LRRC3: variants seen among roughly 807,000 people sequenced by gnomAD.
The protein encoded by LRRC3 is leucine rich repeat containing 3.
For missense variants in LRRC3, 351 were observed against 361.6 expected, an observed-to-expected ratio of 0.97 and a Z score of 0.24; for synonymous variants, 172 against 164.1, an observed-to-expected ratio of 1.05 and a Z score of -0.37.
chr21:44,456,259 C>T (rs533622102), intron 1 of LRRC3, among the ~76,000 whole-genome samples: 4 of 152,332 alleles, frequency 2.6e-5, no homozygotes, highest in South Asian at 4.1e-4. Flanking sequence ...CTGGGCCATG[C>T]GGAGCCCCCT....
At position 44,456,579 on chromosome 21, in the gene LRRC3, G is replaced by A. The variant is rs1008172828; in HGVS notation, c.-66G>A. On this transcript the variant is annotated 5_prime_UTR_variant, in exon 2 of 2. Transcript: ENST00000291592. ...TCTGGTTGGATAAGGCCTTGCCTGC[G>A]GAAACCAGCTCCATCCCCAGGCCCT... is the stretch of plus-strand genomic sequence containing the variant. 4 of 1,500,220 alleles carry A rather than the reference G, an allele frequency of 2.7e-6. No homozygotes were observed. The highest frequency in any genetic ancestry group is 2.1e-5 in the Admixed American group (1 of 48,636). 92.9% of individuals were successfully genotyped at this position (1,500,220 alleles called of 1,614,324 possible). A position where few individuals can be genotyped will look rare whatever the true frequency, so the allele number is the denominator to read the frequency against.
Position 44,456,888 on chromosome 21 carries a change from G to C in LRRC3, c.244G>C (p.Gly82Arg), listed in dbSNP as rs777833809. Residue 82 changes from glycine to arginine, a missense_variant, in exon 2 of 2, where the codon GGG becomes CGG. Coordinates refer to ENST00000291592, the MANE Select transcript of LRRC3 (RefSeq NM_030891.6). ...DANKISHLPD[G>R]AFQHLHRLRE... ...CAACAAGATCTCCCACCTCCCGGAC[G>C]GGGCCTTCCAGCACCTGCACCGGCT... The C allele has an allele frequency of 6.2e-7, 1 of 1,610,290 alleles. No homozygotes were observed. Among genetic ancestry groups the C allele is most frequent in the Non-Finnish European group, 8.5e-7 (1 of 1,178,428 alleles).
chr21:44,457,424 G>C lies in LRRC3; in HGVS notation c.*6G>C, dbSNP rs376856757. The C allele has an allele frequency of 1.3e-4, 198 of 1,558,736 alleles. 1 individual carries two copies. The African/African-American group carries it at 2.5e-3, about 19-fold the overall frequency. ...CCATCGGCCCGGGGCCCTAGCGCCT[G>C]TTCCGGCAGACCCCCGCCGGTGGCT... On this transcript the variant is annotated 3_prime_UTR_variant, in exon 2 of 2. Coordinates refer to ENST00000291592, the MANE Select transcript of LRRC3 (RefSeq NM_030891.6).
In LRRC3 at chr21:44,457,639, C is replaced by T. The variant is rs74756726; in HGVS notation, c.*221C>T. 20,709 of 574,846 alleles carry T rather than the reference C, an allele frequency of 0.036. 499 individuals are homozygous for T. Among genetic ancestry groups the T allele is most frequent in the Admixed American group, 0.055 (1,578 of 28,754 alleles). 35.6% of individuals were successfully genotyped at this position (574,846 alleles called of 1,614,324 possible). ...AGAGGAACGGAATGACTGCCCGTGA[C>T]GATACCATCAGGAAATTATCCCAGT... On this transcript the variant is annotated 3_prime_UTR_variant, in exon 2 of 2. Coordinates refer to ENST00000291592, the MANE Select transcript of LRRC3 (RefSeq NM_030891.6).
At position 44,458,978 on chromosome 21, in the gene LRRC3, C is replaced by G. The variant is rs556488950; in HGVS notation, c.*1560C>G. On this transcript the variant is annotated 3_prime_UTR_variant, in exon 2 of 2. Coordinates refer to ENST00000291592, the MANE Select transcript of LRRC3 (RefSeq NM_030891.6). ...TGTGCAGTGTGAGTCACGGGGGTGTCTGTGTTGTGAGGTGCTTGGTAGGCT... is the reference window on the plus strand; with the variant it reads ...TGTGCAGTGTGAGTCACGGGGGTGTGTGTGTTGTGAGGTGCTTGGTAGGCT... 7.9e-5 allele frequency: 13 copies of G among 164,288 alleles called. No individual in the cohort carries two copies. Among genetic ancestry groups the G allele is most frequent in the African/African-American group, 3.1e-4 (13 of 41,542 alleles). 10.2% of individuals were successfully genotyped at this position (164,288 alleles called of 1,614,324 possible).
In LRRC3 at chr21:44,459,974, C is replaced by T. The variant is rs566238537; in HGVS notation, c.*2556C>T. The T allele has an allele frequency of 6.5e-6, 1 of 152,708 alleles. No homozygotes were observed. Among genetic ancestry groups the T allele is most frequent in the East Asian group, 1.9e-4 (1 of 5,178 alleles). 9.5% of individuals were successfully genotyped at this position (152,708 alleles called of 1,614,324 possible). ...CCACCGTCCTGGCCTTACTGTGCCC[C>T]CTGCCCCACCAACATAGGTGAAAGC... On this transcript the variant is annotated 3_prime_UTR_variant, in exon 2 of 2. Coordinates refer to ENST00000291592, the MANE Select transcript of LRRC3 (RefSeq NM_030891.6).
rs1461543602 is a variant in LRRC3 at position 44,460,644 on chromosome 21, C to T, written c.*3226C>T. 1.3e-5 allele frequency: 2 copies of T among 152,226 alleles called. No individual in the cohort carries two copies. Among genetic ancestry groups the T allele is most frequent in the Middle Eastern group, 3.4e-3 (1 of 294 alleles). The allele number at this position is 152,226 out of a possible 1,614,324, so 9.4% of individuals were successfully genotyped here. On this transcript the variant is annotated 3_prime_UTR_variant, in exon 2 of 2. Transcript: ENST00000291592. Reference sequence around the variant, plus strand: ...CACCGGGGAGCCAGAATCTTCCAGCCAGACTGGATGGGCAGGGCTTAGCTT... The same window carrying T: ...CACCGGGGAGCCAGAATCTTCCAGCTAGACTGGATGGGCAGGGCTTAGCTT...
intron 1 of LRRC3, among the ~76,000 whole-genome samples, chr21:44,455,935 G>T (rs1033657853): frequency 2.0e-5 from 3 of 152,160 alleles, no homozygotes; most frequent in Non-Finnish European, 2.9e-5. Flanking sequence ...TTCTGTGCCC[G>T]GTGCGAGCCG....
chr21:44,456,913 T>C lies in LRRC3; in HGVS notation c.269T>C (p.Leu90Pro). ...GGGGCCTTCCAGCACCTGCACCGGC[T>C]CAGGGAGCTGGATCTGTCTCACAAC... The part of the protein sequence containing the change: ...PDGAFQHLHR[L>P]RELDLSHNAI... The change falls in exon 2 of 2, where the codon CTC (leucine) becomes CCC (proline). Residue 90 changes from leucine to proline, a missense_variant. Physicochemically the swap from Leu to Pro is moderately conservative, Grantham distance 98. Transcript: ENST00000291592. 6.2e-7 allele frequency: 1 copy of C among 1,611,370 alleles called. No homozygotes were observed.
At position 44,461,453 on chromosome 21, in the gene LRRC3, G is replaced by A. The variant is rs995932718; in HGVS notation, c.*4035G>A. The A allele has an allele frequency of 9.8e-5, 15 of 152,434 alleles. No homozygotes were observed. Among genetic ancestry groups the A allele is most frequent in the African/African-American group, 3.4e-4 (14 of 41,464 alleles). The allele number at this position is 152,434 out of a possible 1,614,324, so 9.4% of individuals were successfully genotyped here. On this transcript the variant is annotated 3_prime_UTR_variant, in exon 2 of 2. Transcript: ENST00000291592. ...GGGACCACCTCCCGCCACAGAGCCT[G>A]GGGCCCCCAGCCTTGCCTACAGGGA...
At position 44,456,523 on chromosome 21, in the gene LRRC3, T is replaced by G; in HGVS notation, c.-122T>G. 1.3e-5 allele frequency: 14 copies of G among 1,060,916 alleles called. No homozygotes were observed. Among genetic ancestry groups the G allele is most frequent in the Non-Finnish European group, 1.9e-5 (14 of 733,208 alleles). The allele number at this position is 1,060,916 out of a possible 1,614,324, so 65.7% of individuals were successfully genotyped here. A position where few individuals can be genotyped will look rare whatever the true frequency, so the allele number is the denominator to read the frequency against. The stretch of plus-strand genomic sequence containing the variant: ...AGCTGCCAGAGTGGACTGCACTGCT[T>G]CTCCCAGCGGGGCAGGATGGCGGTT... On this transcript the variant is annotated 5_prime_UTR_variant, in exon 2 of 2. Coordinates refer to ENST00000291592, the MANE Select transcript of LRRC3 (RefSeq NM_030891.6).
intron 1 of LRRC3, 42 bp downstream of exon 1, chr21:44,455,697 A>C (rs1002895850): frequency 1.3e-5 from 2 of 148,208 alleles, no homozygotes; most frequent in African/African-American, 5.0e-5. Flanking sequence ...ATTCCCACCC[A>C]CCCCATGACC....
intron 1 of LRRC3, among the ~76,000 whole-genome samples, 185 bp from the exon 2 acceptor site, chr21:44,456,313 G>A (rs78597300): frequency 2.1e-3 from 313 of 152,322 alleles, no homozygotes; most frequent in African/African-American, 7.0e-3. Context: ...CCTCCCGGGC[G>A]CATTGGGAGT....
Position 44,456,588 on chromosome 21 carries a change from C to T in LRRC3, c.-57C>T. On this transcript the variant is annotated 5_prime_UTR_variant, in exon 2 of 2. Transcript: ENST00000291592. ...ATAAGGCCTTGCCTGCGGAAACCAG[C>T]TCCATCCCCAGGCCCTAGCAGAGGC... The T allele has an allele frequency of 1.2e-5, 18 of 1,511,274 alleles. No individual in the cohort carries two copies. The highest frequency in any genetic ancestry group is 1.6e-5 in the Non-Finnish European group (18 of 1,129,762). The allele number at this position is 1,511,274 out of a possible 1,614,324, so 93.6% of individuals were successfully genotyped here.
In LRRC3 at chr21:44,456,923, G is replaced by C; in HGVS notation, c.279G>C (p.Leu93=). 6.2e-7 allele frequency: 1 copy of C among 1,611,142 alleles called. No individual in the cohort carries two copies. Among genetic ancestry groups the C allele is most frequent in the Non-Finnish European group, 8.5e-7 (1 of 1,179,872 alleles). The change falls in exon 2 of 2, where the codon CTG becomes CTC. Residue 93 remains leucine, a synonymous_variant. Transcript: ENST00000291592. ...AFQHLHRLRE[L]DLSHNAIEAI... ...AGCACCTGCACCGGCTCAGGGAGCT[G>C]GATCTGTCTCACAACGCCATCGAGG...
chr21:44,455,526 C>G lies in LRRC3; in HGVS notation c.-277C>G, dbSNP rs2051690258. ...GCGCAGGCCGGAGTCGCGGCCTCCCCAGCTAGTGGTCGCGGGCGCGGTCGC... is the reference window on the plus strand; with the variant it reads ...GCGCAGGCCGGAGTCGCGGCCTCCCGAGCTAGTGGTCGCGGGCGCGGTCGC... On this transcript the variant is annotated 5_prime_UTR_variant, in exon 1 of 2. Transcript: ENST00000291592. 1 of 151,644 alleles carries G rather than the reference C, an allele frequency of 6.6e-6. No individual in the cohort carries two copies. The highest frequency in any genetic ancestry group is 1.5e-5 in the Non-Finnish European group (1 of 67,810). The allele number at this position is 151,644 out of a possible 1,614,324, so 9.4% of individuals were successfully genotyped here. A position where few individuals can be genotyped will look rare whatever the true frequency, so the allele number is the denominator to read the frequency against.
In LRRC3 at chr21:44,458,571, C is replaced by T. The variant is rs933789800; in HGVS notation, c.*1153C>T. On this transcript the variant is annotated 3_prime_UTR_variant, in exon 2 of 2. Coordinates refer to ENST00000291592, the MANE Select transcript of LRRC3 (RefSeq NM_030891.6). The stretch of plus-strand genomic sequence containing the variant: ...GCCAATCAATGGGATGCTTCGTTTT[C>T]TCCAGCAACAGGAACTCTCTCTTTT... 3.0e-5 allele frequency: 5 copies of T among 167,094 alleles called. No individual in the cohort carries two copies. Among genetic ancestry groups the T allele is most frequent in the African/African-American group, 9.6e-5 (4 of 41,460 alleles). 10.4% of individuals were successfully genotyped at this position (167,094 alleles called of 1,614,324 possible). A position where few individuals can be genotyped will look rare whatever the true frequency, so the allele number is the denominator to read the frequency against.
Position 44,457,204 on chromosome 21 carries a change from A to G in LRRC3, c.560A>G (p.Gln187Arg). ...QEEFVGKPLVQALDAGASLCS... is the reference protein window; with the variant it reads ...QEEFVGKPLVRALDAGASLCS... ...GAGTTTGTGGGGAAGCCTCTGGTTC[A>G]GGCTCTGGATGCGGGTGCCAGCCTC... is the stretch of plus-strand genomic sequence containing the variant. The change falls in exon 2 of 2, where the codon CAG becomes CGG. Residue 187 changes from glutamine to arginine, a missense_variant. Gln to Arg is a conservative substitution (Grantham distance 43, BLOSUM62 1). Transcript: ENST00000291592. 1 of 1,614,004 alleles carries G rather than the reference A, an allele frequency of 6.2e-7. No individual in the cohort carries two copies. The highest frequency in any genetic ancestry group is 8.5e-7 in the Non-Finnish European group (1 of 1,180,030).
intron 1 of LRRC3, 122 bp from the exon 2 acceptor site, chr21:44,456,376 C>T: frequency 1.9e-6 from 1 of 522,132 alleles, no homozygotes. Flanking sequence ...CTCCCCACCC[C>T]AGACCCTTCA....
Sources: gnomAD v4.1 joint callset for allele counts (sites outside exome capture counted in the v4.1 genomes callset) on GRCh38, gnomAD v4.1.1 for gene constraint, MANE v1.5 for transcripts, NCBI Gene and HGNC (gene_info 2026-07-23, HGNC 2026-07-21) for gene names.